ITIH4: variants seen among roughly 807,000 people sequenced by gnomAD.
The protein encoded by ITIH4 is inter-alpha-trypsin inhibitor heavy chain 4, also known as inter-alpha-trypsin inhibitor heavy chain H4.
Under a neutral mutation model 111.8 loss-of-function variants are expected in ITIH4, and 79 were observed. The observed-to-expected ratio is 0.71, with a 90% CI of 0.59 to 0.85. The LOEUF is 0.85. Among genes scored for constraint, ITIH4 ranks in the 40% least tolerant of loss-of-function variants. The pLI is 0.00. For missense variants in ITIH4, 1,065 were observed against 1,195.8 expected (o/e 0.89, Z 1.61); for synonymous variants, 472 against 468.3 (o/e 1.01, Z -0.10).
At position 52,820,797 on chromosome 3, in the gene ITIH4, G is replaced by A. The variant is rs199684635; in HGVS notation, c.1680-12C>T. 104 of 1,598,648 alleles carry A rather than the reference G, an allele frequency of 6.5e-5. No homozygotes were observed. In the African/African-American group the frequency reaches 1.1e-3, roughly 17 times the overall value. On this transcript the variant is annotated splice_polypyrimidine_tract_variant and intron_variant, in intron 12 of 23. Coordinates refer to ENST00000266041, the MANE Select transcript of ITIH4 (RefSeq NM_002218.5). ...CGGATGCGGAGACACTGTAGGTGGA[G>A]CACATCAGAGCTCAGGAGATCCTTG...
In ITIH4 at chr3:52,821,146, C is replaced by T. The variant is rs769127301; in HGVS notation, c.1540-16G>A. 2 of 1,610,608 alleles carry T rather than the reference C, an allele frequency of 1.2e-6. No homozygotes were observed. Among genetic ancestry groups the T allele is most frequent in the African/African-American group, 1.3e-5 (1 of 74,944 alleles). The stretch of plus-strand genomic sequence containing the variant: ...TCTGTGTAGGCTGGAAAGAGGGGCC[C>T]AGCCAGGGCAGGAGCAGTGAGGGCC... On this transcript the variant is annotated splice_polypyrimidine_tract_variant and intron_variant, in intron 11 of 23. Coordinates refer to ENST00000266041, the MANE Select transcript of ITIH4 (RefSeq NM_002218.5).
intron 11 of ITIH4, among the ~76,000 whole-genome samples, chr3:52,822,071 C>T (rs764235827): frequency 1.4e-4 from 21 of 152,256 alleles, no homozygotes; most frequent in South Asian, 4.2e-4. Context: ...GGGCCAGGTG[C>T]GGTGGCTCAC....
In ITIH4 at chr3:52,820,688, C is replaced by T. The variant is rs745831086; in HGVS notation, c.1777G>A (p.Val593Ile). The T allele has an allele frequency of 6.2e-7, 1 of 1,614,074 alleles. No individual in the cohort carries two copies. Among genetic ancestry groups the T allele is most frequent in the Non-Finnish European group, 8.5e-7 (1 of 1,179,972 alleles). The part of the protein sequence containing the change: ...SFVTPLTSMV[V>I]TKPDDQEQSQ... Reference sequence around the variant, plus strand: ...TGCTCTTGGTCATCGGGTTTGGTGACTACCATAGATGTGAGAGGCGTGACA... The same window carrying T: ...TGCTCTTGGTCATCGGGTTTGGTGATTACCATAGATGTGAGAGGCGTGACA... The change falls in exon 13 of 24, where the codon GTC becomes ATC. Residue 593 changes from valine to isoleucine, a missense_variant. Val to Ile is a conservative substitution (Grantham distance 29, BLOSUM62 3). Coordinates refer to ENST00000266041, the MANE Select transcript of ITIH4 (RefSeq NM_002218.5).
Position 52,829,228 on chromosome 3 carries a change from A to G in ITIH4, c.142T>C (p.Phe48Leu), listed in dbSNP as rs1168246453. 6.2e-7 allele frequency: 1 copy of G among 1,613,536 alleles called. No homozygotes were observed. Among genetic ancestry groups the G allele is most frequent in the Non-Finnish European group, 8.5e-7 (1 of 1,179,636 alleles). ...LTVDSRVSSR[F>L]AHTVVTSRVV... ...CGGCTGGTGACGACCGTGTGGGCAAATCGGGATGAGACCCTGGAGTCCACG... is the reference window on the plus strand; with the variant it reads ...CGGCTGGTGACGACCGTGTGGGCAAGTCGGGATGAGACCCTGGAGTCCACG... Residue 48 changes from phenylalanine to leucine, a missense_variant, in exon 2 of 24, where the codon TTT (phenylalanine) becomes CTT (leucine). Physicochemically the swap from Phe to Leu is conservative, Grantham distance 22. Coordinates refer to ENST00000266041, the MANE Select transcript of ITIH4 (RefSeq NM_002218.5).
chr3:52,816,739 GGCAGGGCTCTTGTCTCTTTGCC>G (rs1700282937), intron 21 of ITIH4, 123 bp downstream of exon 21: 1 of 781,656 alleles, frequency 1.3e-6, no homozygotes, highest in African/African-American at 1.7e-5. Context: ...AGGGGTATAT[GGCAGGGCTCTTGTCTCTTTGCC>G]CCTCCTGTGA....
chr3:52,816,759 G>T, intron 21 of ITIH4, 125 bp downstream of exon 21: 2 of 904,834 alleles, frequency 2.2e-6, no homozygotes, highest in Non-Finnish European at 3.4e-6. Flanking sequence ...TTGTCTCTTT[G>T]CCCCTCCTGT....
At position 52,821,121 on chromosome 3, in the gene ITIH4, T is replaced by A; in HGVS notation, c.1549A>T (p.Asn517Tyr). ...ATVSGKLPTQ[N>Y]ITFQTESSVA... ...CTGGACTCCGTTTGGAAAGTGATGT[T>A]CTGTGTAGGCTGGAAAGAGGGGCCC... Residue 517 changes from asparagine to tyrosine, a missense_variant, in exon 12 of 24, where the codon AAC becomes TAC. Asn to Tyr is a moderately radical substitution (Grantham distance 143, BLOSUM62 -2). Transcript: ENST00000266041. 6.2e-7 allele frequency: 1 copy of A among 1,613,388 alleles called. No homozygotes were observed. Among genetic ancestry groups the A allele is most frequent in the Non-Finnish European group, 8.5e-7 (1 of 1,179,998 alleles).
chr3:52,827,017 G>A, intron 3 of ITIH4, 64 bp from the exon 4 acceptor site: 1 of 1,612,544 alleles, frequency 6.2e-7, no homozygotes, highest in South Asian at 1.1e-5. Context: ...GTAGAGGTGG[G>A]AGCAGGACTA....
At position 52,816,996 on chromosome 3, in the gene ITIH4, A is replaced by G; in HGVS notation, c.2359T>C (p.Phe787Leu). 6.2e-7 allele frequency: 1 copy of G among 1,613,970 alleles called. No individual in the cohort carries two copies. The highest frequency in any genetic ancestry group is 8.5e-7 in the Non-Finnish European group (1 of 1,179,940). ...KAGFSWIEVT[F>L]KNPLVWVHAS... ...TGAACCCATACCAGGGGGTTCTTGA[A>G]GGTCACTTCGATCCATGAGAACCCA... The change falls in exon 21 of 24, where the codon TTC becomes CTC. Residue 787 changes from phenylalanine to leucine, a missense_variant. By Grantham distance (22) the Phe-to-Leu change is conservative. Coordinates refer to ENST00000266041, the MANE Select transcript of ITIH4 (RefSeq NM_002218.5).
In ITIH4 at chr3:52,818,476, T is replaced by C. The variant is rs1043612529; in HGVS notation, c.2138A>G (p.Asn713Ser). The change falls in exon 18 of 24, where the codon AAT becomes AGT. Residue 713 changes from asparagine (N) to serine (S), a missense_variant. Asn to Ser is a conservative substitution (Grantham distance 46). Transcript: ENST00000266041. Reference protein sequence around the residue: ...NPDPAVSRVMNMKIEETTMTT... With the variant: ...NPDPAVSRVMSMKIEETTMTT... Reference sequence around the variant, plus strand: ...CTTGGGGGCACCTTCGATTTTCATATTCATGACACGAGACACAGCTGGATC... The same window carrying C: ...CTTGGGGGCACCTTCGATTTTCATACTCATGACACGAGACACAGCTGGATC... 1.2e-6 allele frequency: 2 copies of C among 1,603,964 alleles called. No individual in the cohort carries two copies. The highest frequency in any genetic ancestry group is 1.7e-6 in the Non-Finnish European group (2 of 1,175,080).
At chr3:52,830,014 C>T (rs188220131) in intron 1 of ITIH4, 23 of 294,890 alleles carry the variant, frequency 7.8e-5, no homozygotes, top group Non-Finnish European at 1.2e-4. Flanking sequence ...CAACTCTGCT[C>T]GGCTGCATGC....
rs1559477124 is a variant in ITIH4, at chr3:52,814,310, TTGTC to T, written c.2521_2524del (p.Asp841LysfsTer2). 2 of 1,613,942 alleles carry T rather than the reference TTGTC, an allele frequency of 1.2e-6. No homozygotes were observed. Among genetic ancestry groups the T allele is most frequent in the Non-Finnish European group, 1.7e-6 (2 of 1,180,022 alleles). On this transcript the variant is annotated frameshift_variant, in exon 22 of 24. Transcript: ENST00000266041. LOFTEE classifies it high-confidence loss of function. The stretch of plus-strand genomic sequence containing the variant: ...CCAGAACAACAGGCCGATGGTCACT[TTGTC>T]TGGGTCACTGAGCAGCAGGAGACCC...
intron 21 of ITIH4, among the ~76,000 whole-genome samples, chr3:52,815,168 T>C (rs918459013): frequency 6.6e-6 from 1 of 152,250 alleles, no homozygotes; most frequent in Non-Finnish European, 1.5e-5. Flanking sequence ...CAGAGGTTAT[T>C]TGAAACAAAT....
Position 52,827,097 on chromosome 3 carries a change from C to A in ITIH4, c.352G>T (p.Val118Phe), listed in dbSNP as rs148418409. 6.2e-7 allele frequency: 1 copy of A among 1,613,918 alleles called. No individual in the cohort carries two copies. Among genetic ancestry groups the A allele is most frequent in the East Asian group, 2.2e-5 (1 of 44,854 alleles). Residue 118 changes from valine to phenylalanine, a missense_variant, in exon 3 of 24, where the codon GTC (valine) becomes TTC (phenylalanine). Coordinates refer to ENST00000266041, the MANE Select transcript of ITIH4 (RefSeq NM_002218.5). ...AGCTGCCCCCCACCAGCTCACTTGA[C>A]GAGGCCAGCGCTCTTTCCCTTGGCC... ...AVAKGKSAGL[V>F]KATGRNMEQF...
At chr3:52,829,910 CAGG>C in intron 1 of ITIH4, 1 of 192,230 alleles carries the variant, frequency 5.2e-6, no homozygotes, top group South Asian at 1.0e-4. Flanking sequence ...ACTCCCCTAG[CAGG>C]TGCCATTTGC....
At chr3:52,823,011 C>A (rs146359416) in intron 11 of ITIH4, among the ~76,000 whole-genome samples, 1 of 152,158 alleles carries the variant, frequency 6.6e-6, no homozygotes, top group Non-Finnish European at 1.5e-5. Context: ...CATGAGGGCA[C>A]GGAGGGGTCA....
Position 52,813,961 on chromosome 3 carries a change from T to G in ITIH4, c.2723+14A>C. On this transcript the variant is annotated intron_variant, in intron 23 of 23. Transcript: ENST00000266041. ...ACCCCAGCTGGGCTCAGCGGTCTGC[T>G]TGTGCCAAGTCACCTGGTGGCAGAG... 1 of 1,606,966 alleles carries G rather than the reference T, an allele frequency of 6.2e-7. No homozygotes were observed.
chr3:52,818,675 A>G (rs1700322613), intron 17 of ITIH4, 139 bp from the exon 18 acceptor site: 1 of 695,006 alleles, frequency 1.4e-6, no homozygotes, highest in Admixed American at 2.4e-5. Flanking sequence ...GTCACAGGAG[A>G]TTTTCAAACA....
At chr3:52,813,946 G>T in intron 23 of ITIH4, 29 bp downstream of exon 23, 1 of 1,583,956 alleles carries the variant, frequency 6.3e-7, no homozygotes. Flanking sequence ...ACCCCAGCTG[G>T]GCTCAGCGGT....
Sources: allele counts gnomAD v4.1 joint callset (sites outside exome capture counted in the v4.1 genomes callset), GRCh38; gene constraint gnomAD v4.1.1; transcripts MANE v1.5; gene names NCBI Gene and HGNC (gene_info 2026-07-23, HGNC 2026-07-21).